RNF43: variants seen among roughly 807,000 people sequenced by gnomAD.
RNF43 encodes E3 ubiquitin-protein ligase RNF43.
In RNF43, 37 loss-of-function variants were observed where a neutral mutation model predicts 78.4. The ratio of observed to expected loss-of-function variants is 0.47; its 90% confidence interval spans 0.36 to 0.62. The LOEUF is 0.62. RNF43 is among the 20% of genes least tolerant of loss of function. RNF43 has a pLI of 0.00. For missense variants in RNF43, 774 were observed against 1,007.9 expected, an observed-to-expected ratio of 0.77 and a Z score of 3.14; for synonymous variants, 347 against 395.0, an observed-to-expected ratio of 0.88 and a Z score of 1.44.
chr17:58,382,787 T>G (rs1308189608), intron 2 of RNF43, among the ~76,000 whole-genome samples: 2 of 152,186 alleles, frequency 1.3e-5, no homozygotes, highest in Non-Finnish European at 2.9e-5. Flanking sequence ...CACAGGGTCT[T>G]AAGGCCATTT....
At chr17:58,372,827 C>A (rs541893622) in intron 2 of RNF43, among the ~76,000 whole-genome samples, 1 of 152,060 alleles carries the variant, frequency 6.6e-6, no homozygotes, top group Admixed American at 6.5e-5. Flanking sequence ...TGAAAGGGAG[C>A]GGGGTTGGGG....
In RNF43 at chr17:58,357,654, T is replaced by C. The variant is rs2143389380; in HGVS notation, c.2122A>G (p.Lys708Glu). ...PLICGPPGLD[K>E]RLLPETPGPC... Reference sequence around the variant, plus strand: ...CCTGGGGTTTCTGGTAGCAGCCTCTTGTCCAGGCCTGGAGGTCCACAGATC... The same window carrying C: ...CCTGGGGTTTCTGGTAGCAGCCTCTCGTCCAGGCCTGGAGGTCCACAGATC... The change falls in exon 9 of 10, where the codon AAG becomes GAG. Residue 708 changes from lysine to glutamate, a missense_variant. Physicochemically the swap from Lys to Glu is moderately conservative, Grantham distance 56 (BLOSUM62 1). Coordinates refer to ENST00000407977, the MANE Select transcript of RNF43 (RefSeq NM_017763.6). This position sits in a 1 kb window ranked among gnomAD's most constrained non-coding sequence, Gnocchi z 4.5. 1.9e-6 allele frequency: 3 copies of C among 1,613,758 alleles called. No homozygotes were observed. Among genetic ancestry groups the C allele is most frequent in the Non-Finnish European group, 1.7e-6 (2 of 1,179,796 alleles).
intron 2 of RNF43, among the ~76,000 whole-genome samples, chr17:58,388,057 T>C (rs557095215): frequency 6.6e-6 from 1 of 152,098 alleles, no homozygotes; most frequent in African/African-American, 2.4e-5. Flanking sequence ...CACTTTCCTT[T>C]GCTTCTTCTT....
chr17:58,415,568 C>T lies in RNF43; in HGVS notation c.10G>A (p.Gly4Ser). The T allele has an allele frequency of 1.2e-6, 2 of 1,607,642 alleles. No individual in the cohort carries two copies. The highest frequency in any genetic ancestry group is 1.3e-5 in the African/African-American group (1 of 75,064). Residue 4 changes from glycine to serine, a missense_variant, in exon 2 of 10, where the codon GGC becomes AGC. Coordinates refer to ENST00000407977, the MANE Select transcript of RNF43 (RefSeq NM_017763.6). The part of the protein sequence containing the change: MSG[G>S]HQLQLAALWP... ...AGGGCAGCCAGCTGCAGCTGGTGGC[C>T]ACCACTCATGCTACCAGCTGCAGCA...
At chr17:58,369,482 T>C (rs1277569898) in intron 3 of RNF43, among the ~76,000 whole-genome samples, 1 of 152,244 alleles carries the variant, frequency 6.6e-6, no homozygotes, top group East Asian at 1.9e-4. Flanking sequence ...ACAAGGGATC[T>C]GGGCCTGAGA....
At chr17:58,366,583 C>T (rs977526073) in intron 3 of RNF43, among the ~76,000 whole-genome samples, 11 of 152,156 alleles carry the variant, frequency 7.2e-5, no homozygotes, top group African/African-American at 2.7e-4. Context: ...TTATTGAGAT[C>T]CAGTGCCCAG....
intron 9 of RNF43, among the ~76,000 whole-genome samples, chr17:58,355,867 A>T (rs1182325380): frequency 6.6e-6 from 1 of 152,250 alleles, no homozygotes; most frequent in Non-Finnish European, 1.5e-5. Flanking sequence ...AGGCTCCTGC[A>T]TGGATCTTTA....
At chr17:58,367,871 T>C (rs1416132332) in intron 3 of RNF43, among the ~76,000 whole-genome samples, 1 of 152,250 alleles carries the variant, frequency 6.6e-6, no homozygotes, top group African/African-American at 2.4e-5. Context: ...ATGATAGTAA[T>C]GATAATTGCA....
At chr17:58,391,329 C>A (rs539662458) in intron 2 of RNF43, among the ~76,000 whole-genome samples, 1 of 152,242 alleles carries the variant, frequency 6.6e-6, no homozygotes, top group African/African-American at 2.4e-5. Flanking sequence ...TCCACCACTA[C>A]CCCCATTCCA....
In RNF43 at chr17:58,368,233, T is replaced by C. The variant is rs186129485; in HGVS notation, c.375+2678A>G. ...AGACCCCATCTTTCCCTTAGACCTC[T>C]CATGAGTCACATTTTAAGAAAAACA... On this transcript the variant is annotated intron_variant, in intron 3 of 9. Coordinates refer to ENST00000407977, the MANE Select transcript of RNF43 (RefSeq NM_017763.6). Among the ~76,000 whole-genome samples, 28 of 152,222 alleles carry C rather than the reference T, an allele frequency of 1.8e-4. No homozygotes were observed. The East Asian group carries it at 5.4e-3, about 29-fold the overall frequency.
At chr17:58,396,432 C>G (rs1378141646) in intron 2 of RNF43, among the ~76,000 whole-genome samples, 1 of 152,074 alleles carries the variant, frequency 6.6e-6, no homozygotes, top group Non-Finnish European at 1.5e-5. Context: ...AAGGCTGAAA[C>G]AGAGGGAAAG....
intron 8 of RNF43, among the ~76,000 whole-genome samples, chr17:58,359,195 T>A (rs1972774733): frequency 6.6e-6 from 1 of 152,218 alleles, no homozygotes; most frequent in Non-Finnish European, 1.5e-5. Context: ...ACTGATTTTG[T>A]TAGAATAGAA....
At chr17:58,395,036 G>A (rs1365559152) in intron 2 of RNF43, 1 of 152,186 alleles carries the variant, frequency 6.6e-6, no homozygotes. Context: ...GGAAAACAAA[G>A]CTCCTTATCG....
Position 58,354,935 on chromosome 17 carries a change from T to C in RNF43, c.*8A>G, listed in dbSNP as rs755867867. 9.0e-5 allele frequency: 145 copies of C among 1,613,804 alleles called. No individual in the cohort carries two copies. Among genetic ancestry groups the C allele is most frequent in the Non-Finnish European group, 1.2e-4 (140 of 1,179,790 alleles). On this transcript the variant is annotated 3_prime_UTR_variant, in exon 10 of 10. Coordinates refer to ENST00000407977, the MANE Select transcript of RNF43 (RefSeq NM_017763.6). The stretch of plus-strand genomic sequence containing the variant: ...GCACACTCTTGGTTGGAGCTAGGCC[T>C]GAACATCTCACACAGCCTGTTCACA...
Position 58,358,684 on chromosome 17 carries a change from A to G in RNF43, c.1092T>C (p.Ser364=). The change falls in exon 9 of 10, where the codon AGT becomes AGC. Residue 364 remains serine, a synonymous_variant. Coordinates refer to ENST00000407977, the MANE Select transcript of RNF43 (RefSeq NM_017763.6). This position sits in a 1 kb window ranked among gnomAD's most constrained non-coding sequence, Gnocchi z 6.2. ...CAGGTCGTGGGGGCCGAGCCACTGC[A>G]CTCCGGGAAGGGCCCAACAGGTAGG... ...PAAYLLGPSR[S]AVARPPRPGP... 6.5e-7 allele frequency: 1 copy of G among 1,531,156 alleles called. No homozygotes were observed. Among genetic ancestry groups the G allele is most frequent in the Non-Finnish European group, 8.8e-7 (1 of 1,137,966 alleles). 94.8% of individuals were successfully genotyped at this position (1,531,156 alleles called of 1,614,324 possible).
chr17:58,370,145 T>C (rs532219902), intron 3 of RNF43, among the ~76,000 whole-genome samples: 2 of 141,578 alleles, frequency 1.4e-5, no homozygotes, highest in African/African-American at 2.7e-5. Flanking sequence ...CTCGGCTCAC[T>C]GCAAGCTCCA....
In RNF43 at chr17:58,358,577, C is replaced by T. The variant is rs1289374449; in HGVS notation, c.1199G>A (p.Gly400Glu). The change falls in exon 9 of 10, where the codon GGA (glycine) becomes GAA (glutamate). Residue 400 changes from glycine (G) to glutamate (E), a missense_variant. By Grantham distance (98) the Gly-to-Glu change is moderately conservative. Coordinates refer to ENST00000407977, the MANE Select transcript of RNF43 (RefSeq NM_017763.6). The surrounding 1 kb of genome is among the most constrained non-coding windows in gnomAD (Gnocchi z 6.2). ...GGCTCCTGCCAGGCGCTGCTGCTCT[C>T]CTGGAGCCCGGGGATGTGCAGCTCT... ...FPRAAHPRAP[G>E]EQQRLAGAQH... The T allele has an allele frequency of 6.3e-7, 1 of 1,599,396 alleles. No individual in the cohort carries two copies. Among genetic ancestry groups the T allele is most frequent in the African/African-American group, 1.3e-5 (1 of 74,756 alleles).
chr17:58,414,228 A>T (rs755480081), intron 2 of RNF43, among the ~76,000 whole-genome samples: 29 of 152,362 alleles, frequency 1.9e-4, no homozygotes, highest in Admixed American at 7.2e-4. Flanking sequence ...ATTAAAGAAT[A>T]CATGTTTAGG....
At chr17:58,416,385 C>A (rs1974125776) in intron 1 of RNF43, 1 of 152,152 alleles carries the variant, frequency 6.6e-6, no homozygotes, top group South Asian at 2.1e-4. Flanking sequence ...AGCATCACAA[C>A]CTTTTCCAAC....
Sources: allele counts gnomAD v4.1 joint callset (sites outside exome capture counted in the v4.1 genomes callset), GRCh38; gene constraint gnomAD v4.1.1; non-coding constraint Gnocchi (gnomAD v3.1); transcripts MANE v1.5; gene names NCBI Gene and HGNC (gene_info 2026-07-23, HGNC 2026-07-21).